Variants in PRKCA observed in about 807,000 individuals in gnomAD.
PRKCA encodes protein kinase C alpha type.
PRKCA carries 27 observed loss-of-function variants against 87.0 expected under a neutral mutation model. The observed-to-expected ratio is 0.31, with a 90% CI of 0.23 to 0.43. PRKCA has a LOEUF of 0.43. PRKCA is among the 20% of genes least tolerant of loss of function. The probability of loss-of-function intolerance (pLI) is 1.00; values close to 1 mark genes in which losing one functional copy is unlikely to be tolerated. For synonymous variants in PRKCA, 329 were observed against 311.1 expected, an observed-to-expected ratio of 1.06 and a Z score of -0.61; for missense variants, 518 against 852.3, an observed-to-expected ratio of 0.61 and a Z score of 4.88.
intron 2 of PRKCA, among the ~76,000 whole-genome samples, chr17:66,424,843 G>A (rs1949966290): frequency 1.4e-5 from 2 of 146,542 alleles, no homozygotes; most frequent in African/African-American, 5.1e-5. Flanking sequence ...TCAACCACCC[G>A]GGCTCAAGCG....
At chr17:66,765,174 G>GA (rs1280786207) in intron 13 of PRKCA, among the ~76,000 whole-genome samples, 37 of 152,106 alleles carry the variant, frequency 2.4e-4, no homozygotes, top group African/African-American at 8.4e-4. Context: ...AGCGCTTTGG[G>GA]AGGCCGAGGC....
intron 16 of PRKCA, among the ~76,000 whole-genome samples, chr17:66,790,973 G>A (rs1380825623): frequency 6.7e-6 from 1 of 149,852 alleles, no homozygotes. Flanking sequence ...TTTATTCCTG[G>A]AGCGCTACTG....
intron 3 of PRKCA, among the ~76,000 whole-genome samples, chr17:66,514,859 G>A (rs185619590): frequency 1.6e-3 from 244 of 152,154 alleles, no homozygotes; most frequent in African/African-American, 5.8e-3. Context: ...TAGCCACTCC[G>A]ATTTGGAAAA....
At chr17:66,732,102 A>C (rs1164170172) in intron 8 of PRKCA, among the ~76,000 whole-genome samples, 5 of 138,286 alleles carry the variant, frequency 3.6e-5, no homozygotes, top group Admixed American at 7.4e-5. Context: ...TGTGAGTTCA[A>C]CTCTTGATTT....
At chr17:66,645,997 G>A (rs1259796918) in intron 5 of PRKCA, among the ~76,000 whole-genome samples, 1 of 152,212 alleles carries the variant, frequency 6.6e-6, no homozygotes, top group East Asian at 1.9e-4. Flanking sequence ...TATGGTGCTA[G>A]GAACTTCACA....
chr17:66,729,951 C>T (rs1973847215), intron 8 of PRKCA, among the ~76,000 whole-genome samples: 1 of 151,958 alleles, frequency 6.6e-6, no homozygotes, highest in Non-Finnish European at 1.5e-5. Context: ...CCACCATGCC[C>T]AGCTAATTTT....
At chr17:66,478,818 A>G (rs575525916) in intron 2 of PRKCA, among the ~76,000 whole-genome samples, 1 of 152,304 alleles carries the variant, frequency 6.6e-6, no homozygotes, top group East Asian at 1.9e-4. Flanking sequence ...CAGTATTTTT[A>G]AAACAGTAAA....
At chr17:66,524,557 C>T (rs1411931272) in intron 3 of PRKCA, among the ~76,000 whole-genome samples, 1 of 152,206 alleles carries the variant, frequency 6.6e-6, no homozygotes, top group East Asian at 1.9e-4. Context: ...TCATCTCCTA[C>T]TGCAGAGCTC....
Position 66,768,646 on chromosome 17 carries a change from GGAGA to G in PRKCA, c.1525-5330_1525-5327del, listed in dbSNP as rs377364019. Among the ~76,000 whole-genome samples the G allele has an allele frequency of 2.6e-4, 40 of 151,930 alleles. No individual in the cohort carries two copies. The South Asian group carries it at 8.3e-3, about 32-fold the overall frequency. Reference sequence around the variant, plus strand: ...GCATGTCTTACCATGGCGGAGCAGGGGAGAGAGAGAGAGACAACAAGGCGGGAAG... The same window carrying G: ...GCATGTCTTACCATGGCGGAGCAGGGGAGAGAGAGACAACAAGGCGGGAAG... On this transcript the variant is annotated intron_variant, in intron 13 of 16. Coordinates refer to ENST00000413366, the MANE Select transcript of PRKCA (RefSeq NM_002737.3).
chr17:66,545,245 G>A (rs370764728), intron 3 of PRKCA, among the ~76,000 whole-genome samples: 185 of 152,164 alleles, frequency 1.2e-3, no homozygotes, highest in Non-Finnish European at 1.7e-3. Flanking sequence ...TGGCTAACAC[G>A]GTGAAACCCC....
chr17:66,782,575 G>A (rs992460106), intron 14 of PRKCA, among the ~76,000 whole-genome samples: 1 of 152,152 alleles, frequency 6.6e-6, no homozygotes, highest in Admixed American at 6.5e-5. Flanking sequence ...GGTCTCTAGC[G>A]CAGAGGCCAG....
chr17:66,758,092 A>C (rs939758889), intron 13 of PRKCA, among the ~76,000 whole-genome samples: 1 of 152,228 alleles, frequency 6.6e-6, no homozygotes. Context: ...GGGGCAAGGA[A>C]GGGCAGGCTT....
At chr17:66,574,491 A>G (rs1287268631) in intron 3 of PRKCA, among the ~76,000 whole-genome samples, 1 of 152,200 alleles carries the variant, frequency 6.6e-6, no homozygotes, top group African/African-American at 2.4e-5. Flanking sequence ...GCACGGAGAA[A>G]CAGCGCAGTT....
At position 66,774,081 on chromosome 17, in the gene PRKCA, A is replaced by G; in HGVS notation, c.1605+14A>G. On this transcript the variant is annotated intron_variant, in intron 14 of 16. Coordinates refer to ENST00000413366, the MANE Select transcript of PRKCA (RefSeq NM_002737.3). ...CTTGCCGGGCAGGTAATGTTTTGCT[A>G]CATTTTCATGTTTGTTTATTGCTGT... 2 of 1,613,880 alleles carry G rather than the reference A, an allele frequency of 1.2e-6. No homozygotes were observed. The highest frequency in any genetic ancestry group is 1.7e-6 in the Non-Finnish European group (2 of 1,179,998).
chr17:66,666,975 A>G (rs16959911), intron 5 of PRKCA, among the ~76,000 whole-genome samples: 1 of 152,154 alleles, frequency 6.6e-6, no homozygotes, highest in Non-Finnish European at 1.5e-5. Flanking sequence ...AAAATGGATT[A>G]GGAAGCAGCT....
intron 2 of PRKCA, among the ~76,000 whole-genome samples, chr17:66,486,322 A>G (rs1440223350): frequency 6.6e-6 from 1 of 152,186 alleles, no homozygotes; most frequent in Non-Finnish European, 1.5e-5. Flanking sequence ...TGAGTTGAAT[A>G]TGGGAATAAG....
intron 3 of PRKCA, among the ~76,000 whole-genome samples, chr17:66,592,652 T>C (rs1005252676): frequency 5.9e-5 from 9 of 152,306 alleles, no homozygotes; most frequent in African/African-American, 1.7e-4. Flanking sequence ...TCCTGAAAAT[T>C]CCTTCTAGGC....
At chr17:66,725,884 G>A (rs1229424729) in intron 8 of PRKCA, among the ~76,000 whole-genome samples, 1 of 152,102 alleles carries the variant, frequency 6.6e-6, no homozygotes, top group Non-Finnish European at 1.5e-5. Flanking sequence ...ATGGTTTTGA[G>A]AAGTTCATTC....
chr17:66,755,859 G>C (rs1974535711), intron 13 of PRKCA, among the ~76,000 whole-genome samples: 1 of 152,172 alleles, frequency 6.6e-6, no homozygotes, highest in African/African-American at 2.4e-5. Context: ...TGGTGGTTGA[G>C]TGGTAGAATT....
Sources: gnomAD v4.1 joint callset for allele counts (sites outside exome capture counted in the v4.1 genomes callset) on GRCh38, gnomAD v4.1.1 for gene constraint, MANE v1.5 for transcripts, NCBI Gene and HGNC (gene_info 2026-07-23, HGNC 2026-07-21) for gene names.